Variants in PRKCE observed in about 807,000 individuals in gnomAD.
The protein encoded by PRKCE is protein kinase C epsilon type.
Under a neutral mutation model 85.4 loss-of-function variants are expected in PRKCE, and 16 were observed. That is an observed-to-expected ratio of 0.19 (90% CI 0.13 to 0.28). The LOEUF is 0.28. Ranked by LOEUF, PRKCE falls within the 10% of genes least tolerant of loss-of-function variation. PRKCE has a pLI of 1.00. For synonymous variants in PRKCE, 388 were observed against 371.5 expected (o/e 1.04, Z -0.51); for missense variants, 573 against 975.2 (o/e 0.59, Z 5.49).
chr2:45,867,461 C>T (rs1325487748), intron 2 of PRKCE, among the ~76,000 whole-genome samples: 1 of 152,150 alleles, frequency 6.6e-6, no homozygotes, highest in Non-Finnish European at 1.5e-5. Flanking sequence ...AGCCTCCTTC[C>T]CTGCTGCAGC....
Position 46,055,579 on chromosome 2 carries a change from C to A in PRKCE, c.1438-30629C>A, listed in dbSNP as rs147091136. Among the ~76,000 whole-genome samples the A allele has an allele frequency of 3.7e-4, 56 of 152,310 alleles. 1 individual carries two copies. In the East Asian group the frequency reaches 7.7e-3, roughly 21 times the overall value. ...TTATACCCCTACCAGATAGAAAATTCTTCTTTTTGAGCCACCATTGGCATT... is the reference window on the plus strand; with the variant it reads ...TTATACCCCTACCAGATAGAAAATTATTCTTTTTGAGCCACCATTGGCATT... On this transcript the variant is annotated intron_variant, in intron 10 of 14. Transcript: ENST00000306156.
chr2:45,938,877 C>G (rs898568623), intron 2 of PRKCE, among the ~76,000 whole-genome samples: 8 of 152,190 alleles, frequency 5.3e-5, no homozygotes, highest in African/African-American at 1.4e-4. Flanking sequence ...GCTGGGTGTT[C>G]TCACCCAGTT....
chr2:46,111,609 C>T (rs1387619014), intron 11 of PRKCE, among the ~76,000 whole-genome samples: 3 of 152,176 alleles, frequency 2.0e-5, no homozygotes, highest in Non-Finnish European at 2.9e-5. Flanking sequence ...TTATTTGTTA[C>T]TGGCTTCTTT....
intron 14 of PRKCE, among the ~76,000 whole-genome samples, chr2:46,178,589 A>G: frequency 6.6e-6 from 1 of 152,252 alleles, no homozygotes; most frequent in East Asian, 1.9e-4. Flanking sequence ...ATGGCTATGA[A>G]GAATATATGT....
At chr2:45,935,097 A>ACTCCGTCTC (rs1423354174) in intron 2 of PRKCE, among the ~76,000 whole-genome samples, 5 of 152,082 alleles carry the variant, frequency 3.3e-5, no homozygotes, top group Non-Finnish European at 7.4e-5. Context: ...ACACACATAG[A>ACTCCGTCTC]AAATGGAAAT....
intron 1 of PRKCE, among the ~76,000 whole-genome samples, chr2:45,672,976 A>AT (rs1676248175): frequency 6.6e-6 from 1 of 152,178 alleles, no homozygotes; most frequent in African/African-American, 2.4e-5. Flanking sequence ...GTGGTGAGCT[A>AT]TGATGGCACC....
At chr2:45,973,301 C>T (rs1040538392) in intron 2 of PRKCE, among the ~76,000 whole-genome samples, 3 of 152,134 alleles carry the variant, frequency 2.0e-5, no homozygotes, top group Non-Finnish European at 2.9e-5. Context: ...TCTGGCCTGA[C>T]CCGTGGCTTT....
chr2:45,721,796 A>C (rs924331567), intron 1 of PRKCE, among the ~76,000 whole-genome samples: 4 of 151,918 alleles, frequency 2.6e-5, no homozygotes, highest in Non-Finnish European at 4.4e-5. Context: ...AGGCTTGTTT[A>C]AGCCTAGAAG....
chr2:46,070,475 C>A (rs1469329659), intron 10 of PRKCE, among the ~76,000 whole-genome samples: 1 of 152,142 alleles, frequency 6.6e-6, no homozygotes, highest in African/African-American at 2.4e-5. Context: ...AATCCTGTCT[C>A]TACTAAAAAT....
At chr2:45,909,320 TA>T (rs1227078549) in intron 2 of PRKCE, among the ~76,000 whole-genome samples, 1 of 152,160 alleles carries the variant, frequency 6.6e-6, no homozygotes, top group Non-Finnish European at 1.5e-5. Context: ...TACGAGGTGG[TA>T]GGCACCAGAA....
chr2:45,702,049 C>G (rs765360641), intron 1 of PRKCE, among the ~76,000 whole-genome samples: 1 of 152,094 alleles, frequency 6.6e-6, no homozygotes, highest in Non-Finnish European at 1.5e-5. Flanking sequence ...ATTAGCCGGA[C>G]TTGGTGGCAC....
chr2:45,651,828 A>G lies in PRKCE; in HGVS notation c.-273A>G. On this transcript the variant is annotated 5_prime_UTR_variant, in exon 1 of 15. Coordinates refer to ENST00000306156, the MANE Select transcript of PRKCE (RefSeq NM_005400.3). ...AGCTCGTCTTCTCTTCTGGAGGTGC[A>G]GCTGGTGGTCGGGGGGAGAGACTTG... 3.0e-6 allele frequency: 1 copy of G among 329,330 alleles called. No individual in the cohort carries two copies. Among genetic ancestry groups the G allele is most frequent in the Non-Finnish European group, 5.6e-6 (1 of 178,522 alleles). 20.4% of individuals were successfully genotyped at this position (329,330 alleles called of 1,614,324 possible).
chr2:45,894,137 G>C (rs1036716093), intron 2 of PRKCE, among the ~76,000 whole-genome samples: 6 of 152,100 alleles, frequency 3.9e-5, no homozygotes, highest in Non-Finnish European at 8.8e-5. Flanking sequence ...GTGTTCAATA[G>C]TGCATGTCTG....
At chr2:46,008,647 C>CT (rs2104784495) in intron 9 of PRKCE, among the ~76,000 whole-genome samples, 1 of 152,322 alleles carries the variant, frequency 6.6e-6, no homozygotes, top group South Asian at 2.1e-4. Context: ...TCACCTGCCC[C>CT]TATCTCACCC....
chr2:45,798,794 T>TTAAA (rs1463317789), intron 1 of PRKCE, among the ~76,000 whole-genome samples: 15 of 151,820 alleles, frequency 9.9e-5, no homozygotes, highest in African/African-American at 3.6e-4. Flanking sequence ...GTTTTCAGTG[T>TTAAA]TTTTAAAATT....
chr2:45,917,637 TGGA>T (rs1310221748), intron 2 of PRKCE, among the ~76,000 whole-genome samples: 1 of 152,232 alleles, frequency 6.6e-6, no homozygotes, highest in African/African-American at 2.4e-5. Flanking sequence ...GGGCTGCAGG[TGGA>T]GCTGCCTGCC....
At chr2:45,885,798 G>C (rs894350518) in intron 2 of PRKCE, among the ~76,000 whole-genome samples, 2 of 152,180 alleles carry the variant, frequency 1.3e-5, no homozygotes, top group African/African-American at 2.4e-5. Flanking sequence ...CAAATTTGTG[G>C]GTTTTGGGTG....
chr2:45,853,363 A>G (rs1260441512), intron 2 of PRKCE, among the ~76,000 whole-genome samples: 1 of 152,142 alleles, frequency 6.6e-6, no homozygotes, highest in Non-Finnish European at 1.5e-5. Context: ...GCACTAAGTA[A>G]CCCTTTTAAA....
At chr2:45,666,410 A>G (rs1471059887) in intron 1 of PRKCE, among the ~76,000 whole-genome samples, 1 of 151,846 alleles carries the variant, frequency 6.6e-6, no homozygotes, top group African/African-American at 2.4e-5. Context: ...CCAGACATCC[A>G]GGGCCCTGTG....
Sources: allele counts gnomAD v4.1 joint callset (sites outside exome capture counted in the v4.1 genomes callset), GRCh38; gene constraint gnomAD v4.1.1; transcripts MANE v1.5; gene names NCBI Gene and HGNC (gene_info 2026-07-23, HGNC 2026-07-21).